The following MACROD2 variants were observed in gnomAD, a reference collection of about 807,000 sequenced individuals.
The protein encoded by MACROD2 is ADP-ribose glycohydrolase MACROD2.
MACROD2 carries 36 observed loss-of-function variants against 70.4 expected under a neutral mutation model. That is an observed-to-expected ratio of 0.51 (90% CI 0.39 to 0.68). The LOEUF (loss-of-function observed/expected upper bound fraction) is 0.68. Among genes scored for constraint, MACROD2 ranks in the 30% least tolerant of loss-of-function variants. The pLI is 0.00. For missense variants in MACROD2, 496 were observed against 538.4 expected (o/e 0.92, Z 0.78); for synonymous variants, 172 against 178.8 (o/e 0.96, Z 0.30).
intron 5 of MACROD2, among the ~76,000 whole-genome samples, chr20:15,104,085 G>GA (rs2075893170): frequency 6.6e-6 from 1 of 152,136 alleles, no homozygotes; most frequent in African/African-American, 2.4e-5. Context: ...TGTTGAAATA[G>GA]TGAAGAGAAA....
chr20:15,934,935 C>T (rs185860918), intron 11 of MACROD2, among the ~76,000 whole-genome samples: 53 of 152,086 alleles, frequency 3.5e-4, no homozygotes, highest in African/African-American at 1.3e-3. Context: ...GTGATCTGCC[C>T]GCCTAAGCCT....
chr20:15,642,407 G>T (rs1358136333), intron 8 of MACROD2, among the ~76,000 whole-genome samples: 1 of 152,114 alleles, frequency 6.6e-6, no homozygotes, highest in Non-Finnish European at 1.5e-5. Flanking sequence ...TGCCTGTTAG[G>T]TGGTTTTCGA....
intron 6 of MACROD2, among the ~76,000 whole-genome samples, chr20:15,297,376 C>G (rs1268926554): frequency 6.6e-6 from 1 of 152,080 alleles, no homozygotes; most frequent in Non-Finnish European, 1.5e-5. Context: ...AGGTGTGCAT[C>G]CTAAGATCCA....
chr20:15,972,178 A>C (rs1179484753), intron 13 of MACROD2, among the ~76,000 whole-genome samples: 1 of 151,510 alleles, frequency 6.6e-6, no homozygotes, highest in African/African-American at 2.4e-5. Context: ...AAATGAAAAC[A>C]GAATAAGTGA....
chr20:14,130,952 A>G (rs1395268034), intron 3 of MACROD2, among the ~76,000 whole-genome samples: 3 of 141,252 alleles, frequency 2.1e-5, no homozygotes, highest in Non-Finnish European at 3.0e-5. Context: ...TTTTCTTGAG[A>G]CAGGCTCTGT....
rs1490911483 is a variant in MACROD2 at position 16,051,332 on chromosome 20, A to C, written c.*1456A>C. 6.6e-6 allele frequency: 1 copy of C among 152,154 alleles called. No individual in the cohort carries two copies. The highest frequency in any genetic ancestry group is 1.5e-5 in the Non-Finnish European group (1 of 68,016). 9.4% of individuals were successfully genotyped at this position (152,154 alleles called of 1,614,324 possible). ...TTCTGCTTTCTAAATATCCCATCAA[A>C]ATCTTCAGTTTTGCACTTTTTTGAT... On this transcript the variant is annotated 3_prime_UTR_variant, in exon 18 of 18. Transcript: ENST00000684519.
chr20:14,623,734 A>C (rs1983968895), intron 4 of MACROD2, among the ~76,000 whole-genome samples: 1 of 152,182 alleles, frequency 6.6e-6, no homozygotes, highest in Admixed American at 6.5e-5. Context: ...TCCAAGGTTC[A>C]CTGAAAAGAT....
chr20:15,221,935 T>C (rs1385586194), intron 5 of MACROD2, among the ~76,000 whole-genome samples: 1 of 152,162 alleles, frequency 6.6e-6, no homozygotes, highest in African/African-American at 2.4e-5. Flanking sequence ...AAAATGCAAA[T>C]GTTTAGTTGC....
At chr20:14,249,950 TA>T (rs1329104918) in intron 3 of MACROD2, among the ~76,000 whole-genome samples, 1 of 151,964 alleles carries the variant, frequency 6.6e-6, no homozygotes, top group East Asian at 1.9e-4. Flanking sequence ...AGTCAAAGTA[TA>T]AAAGGAGAAG....
At chr20:15,685,596 A>G (rs2050215460) in intron 8 of MACROD2, among the ~76,000 whole-genome samples, 1 of 152,158 alleles carries the variant, frequency 6.6e-6, no homozygotes, top group South Asian at 2.1e-4. Context: ...ATCTCTCATC[A>G]CACCATACTG....
At chr20:14,694,323 T>A (rs1053440402) in intron 5 of MACROD2, among the ~76,000 whole-genome samples, 2 of 152,168 alleles carry the variant, frequency 1.3e-5, no homozygotes, top group Non-Finnish European at 2.9e-5. Flanking sequence ...GATCTCAGAA[T>A]TTTACAGATA....
rs189872680 is a variant in MACROD2 at position 15,542,054 on chromosome 20, C to A, written c.645+42207C>A. On this transcript the variant is annotated intron_variant, in intron 8 of 17. Transcript: ENST00000684519. ...CCGTGTGACTGCGACCTGTACAATG[C>A]ATGCAGGTGACAGTCTTCTCTGTGC... 2.6e-5 allele frequency among the ~76,000 whole-genome samples: 4 copies of A among 152,302 alleles called. No homozygotes were observed. In the East Asian group the frequency reaches 7.7e-4, roughly 29 times the overall value.
intron 4 of MACROD2, among the ~76,000 whole-genome samples, chr20:14,592,724 C>T (rs1464473118): frequency 6.6e-6 from 1 of 152,152 alleles, no homozygotes; most frequent in African/African-American, 2.4e-5. Context: ...GCAGTAGCTA[C>T]AGGAGGTCCA....
chr20:15,763,940 A>G (rs780778890), intron 8 of MACROD2, among the ~76,000 whole-genome samples: 1 of 152,262 alleles, frequency 6.6e-6, no homozygotes, highest in Non-Finnish European at 1.5e-5. Context: ...AAAGTAAGAC[A>G]TAAATATACT....
intron 3 of MACROD2, among the ~76,000 whole-genome samples, chr20:14,213,408 A>G (rs2081587770): frequency 7.7e-6 from 1 of 130,544 alleles, no homozygotes; most frequent in Non-Finnish European, 1.6e-5. Context: ...AGATCCCTAG[A>G]GTCTTAGTTG....
chr20:14,875,312 T>C (rs965180621), intron 5 of MACROD2, among the ~76,000 whole-genome samples: 3 of 151,708 alleles, frequency 2.0e-5, no homozygotes, highest in African/African-American at 7.3e-5. Flanking sequence ...ACCCAGGAGG[T>C]AGAAGATGCA....
intron 3 of MACROD2, among the ~76,000 whole-genome samples, chr20:14,257,536 A>T (rs184076047): frequency 6.6e-6 from 1 of 152,248 alleles, no homozygotes; most frequent in African/African-American, 2.4e-5. Flanking sequence ...TTCACTATAG[A>T]TGAAATCTTT....
chr20:14,844,837 T>C (rs944776035), intron 5 of MACROD2, among the ~76,000 whole-genome samples: 3 of 152,120 alleles, frequency 2.0e-5, no homozygotes, highest in African/African-American at 7.2e-5. Flanking sequence ...CTGAGTGATA[T>C]ATGGATTCAA....
intron 1 of MACROD2, among the ~76,000 whole-genome samples, chr20:13,996,741 C>G (rs2052663651): frequency 6.6e-6 from 1 of 152,180 alleles, no homozygotes; most frequent in Non-Finnish European, 1.5e-5. Context: ...TTTCACACCT[C>G]TTTCCTTTTC....
Sources: allele counts gnomAD v4.1 joint callset (sites outside exome capture counted in the v4.1 genomes callset), GRCh38; gene constraint gnomAD v4.1.1; transcripts MANE v1.5; gene names NCBI Gene and HGNC (gene_info 2026-07-23, HGNC 2026-07-21).